TCF7L1: variants seen among roughly 807,000 people sequenced by gnomAD.
The protein encoded by TCF7L1 is transcription factor 7 like 1.
In TCF7L1, 18 loss-of-function variants were observed where a neutral mutation model predicts 63.7. That is an observed-to-expected ratio of 0.28 (90% CI 0.20 to 0.42). The LOEUF (loss-of-function observed/expected upper bound fraction) is 0.42, where lower values mean the gene tolerates loss of function less well. Among genes scored for constraint, TCF7L1 ranks in the 10% least tolerant of loss-of-function variants. TCF7L1 has a pLI of 1.00. For synonymous variants in TCF7L1, 355 were observed against 340.9 expected, an observed-to-expected ratio of 1.04 and a Z score of -0.46; for missense variants, 654 against 779.3, an observed-to-expected ratio of 0.84 and a Z score of 1.91.
In TCF7L1 at chr2:85,133,723, C is replaced by CGGCAGCGGG. The variant is rs1460720934; in HGVS notation, c.42_50dup (p.Ser15_Gly17dup). ...GCGGCGGGGGCGGCGGCGGCGGCGGCGGCAGCGGGGGAGGCGGCGGCTCCA... is the reference window on the plus strand; with the variant it reads ...GCGGCGGGGGCGGCGGCGGCGGCGGCGGCAGCGGGGGCAGCGGGGGAGGCGGCGGCTCCA... On this transcript the variant is annotated inframe_insertion, in exon 1 of 12. Coordinates refer to ENST00000282111, the MANE Select transcript of TCF7L1 (RefSeq NM_031283.3). This position sits in a 1 kb window ranked among gnomAD's most constrained non-coding sequence, Gnocchi z 4.4. 3.4e-6 allele frequency: 4 copies of CGGCAGCGGG among 1,175,282 alleles called. No individual in the cohort carries two copies. The highest frequency in any genetic ancestry group is 4.2e-6 in the Non-Finnish European group (4 of 952,484). 72.8% of individuals were successfully genotyped at this position (1,175,282 alleles called of 1,614,324 possible).
At chr2:85,207,372 C>T (rs115100074) in intron 3 of TCF7L1, among the ~76,000 whole-genome samples, 132 of 152,264 alleles carry the variant, frequency 8.7e-4, no homozygotes, top group African/African-American at 3.0e-3. Context: ...CCTGTGTGCT[C>T]TGCACATCCC....
chr2:85,304,017 T>C lies in TCF7L1; in HGVS notation c.761+20T>C, dbSNP rs181568079. 37 of 1,494,004 alleles carry C rather than the reference T, an allele frequency of 2.5e-5. 1 individual carries two copies. The East Asian group carries it at 8.6e-4, about 35-fold the overall frequency. The allele number at this position is 1,494,004 out of a possible 1,614,324, so 92.5% of individuals were successfully genotyped here. ...CCCACAGTAAGGAACCCACAGCCTC[T>C]CTTCCCCCTGCTCCCTCCTTGCGCT... On this transcript the variant is annotated intron_variant, in intron 6 of 11. Coordinates refer to ENST00000282111, the MANE Select transcript of TCF7L1 (RefSeq NM_031283.3).
intron 3 of TCF7L1, among the ~76,000 whole-genome samples, chr2:85,278,951 A>T (rs537548921): frequency 6.6e-6 from 1 of 152,352 alleles, no homozygotes; most frequent in East Asian, 1.9e-4. Flanking sequence ...CATTGATGCC[A>T]TTCATCACCA....
intron 3 of TCF7L1, among the ~76,000 whole-genome samples, chr2:85,144,816 G>A (rs145487523): frequency 0.04 from 5,961 of 150,672 alleles, 177 homozygotes; most frequent in Admixed American, 0.06. Context: ...GGGCACAGTG[G>A]CTCCCTCCTG....
At position 85,303,977 on chromosome 2, in the gene TCF7L1, C is replaced by T. The variant is rs755057744; in HGVS notation, c.741C>T (p.Pro247=). The T allele has an allele frequency of 6.2e-7, 1 of 1,611,268 alleles. No homozygotes were observed. The highest frequency in any genetic ancestry group is 8.5e-7 in the Non-Finnish European group (1 of 1,178,590). ...SPGAVGQIPH[P]LGWLVPQQGQ... ...GAGCTGTCGGACAAATCCCCCACCC[C>T]CTCGGCTGGCTCGTCCCACAGTAAG... Residue 247 remains proline (P), a synonymous_variant, in exon 6 of 12, where the codon CCC becomes CCT. Coordinates refer to ENST00000282111, the MANE Select transcript of TCF7L1 (RefSeq NM_031283.3).
rs112505142 is a variant in TCF7L1, at chr2:85,173,839, C to G, written c.441+39389C>G. On this transcript the variant is annotated intron_variant, in intron 3 of 11. Transcript: ENST00000282111. ...GCAACCTCTGCCTCTTGGGTTTAAG[C>G]GATTCTCCTGCCTCGGCCTCCTGAG... 5.5e-3 allele frequency among the ~76,000 whole-genome samples: 832 copies of G among 151,992 alleles called. 6 individuals carry two copies. The highest frequency in any genetic ancestry group is 0.019 in the African/African-American group (783 of 41,416).
At chr2:85,224,184 A>G (rs1290459830) in intron 3 of TCF7L1, among the ~76,000 whole-genome samples, 1 of 152,166 alleles carries the variant, frequency 6.6e-6, no homozygotes, top group African/African-American at 2.4e-5. Flanking sequence ...TATCCAGTCA[A>G]TTATTGATGG....
chr2:85,138,338 A>G (rs1677644327), intron 3 of TCF7L1, among the ~76,000 whole-genome samples: 1 of 152,116 alleles, frequency 6.6e-6, no homozygotes, highest in Non-Finnish European at 1.5e-5. Flanking sequence ...ACCCAAAGGA[A>G]CCCAAGCAGA....
At chr2:85,203,019 T>C (rs1444617546) in intron 3 of TCF7L1, among the ~76,000 whole-genome samples, 1 of 152,040 alleles carries the variant, frequency 6.6e-6, no homozygotes. Context: ...ATTTTTTTGG[T>C]AGAGACGGGG....
At chr2:85,278,922 A>G (rs375698703) in intron 3 of TCF7L1, among the ~76,000 whole-genome samples, 46 of 152,220 alleles carry the variant, frequency 3.0e-4, no homozygotes, top group African/African-American at 9.4e-4. Flanking sequence ...AGCGATCGCT[A>G]TTGCCAGGCC....
At chr2:85,253,190 C>T (rs1359453870) in intron 3 of TCF7L1, among the ~76,000 whole-genome samples, 3 of 152,160 alleles carry the variant, frequency 2.0e-5, no homozygotes, top group African/African-American at 7.2e-5. Context: ...TATTAAACCA[C>T]ATAGGTTTGG....
chr2:85,253,826 A>G (rs1292641974), intron 3 of TCF7L1, among the ~76,000 whole-genome samples: 2 of 152,208 alleles, frequency 1.3e-5, no homozygotes, highest in African/African-American at 4.8e-5. Flanking sequence ...CCTTTTCAAC[A>G]TGTGGGAGCT....
chr2:85,287,948 A>T (rs1448614720), intron 4 of TCF7L1, among the ~76,000 whole-genome samples: 2 of 152,186 alleles, frequency 1.3e-5, no homozygotes, highest in Non-Finnish European at 2.9e-5. Context: ...AATGGGGATT[A>T]GAAGAGACTG....
intron 3 of TCF7L1, among the ~76,000 whole-genome samples, chr2:85,161,362 A>G (rs1297453209): frequency 2.0e-5 from 3 of 152,180 alleles, no homozygotes; most frequent in Admixed American, 6.5e-5. Flanking sequence ...GGCCCTAGCT[A>G]GAGGGGCATG....
intron 3 of TCF7L1, among the ~76,000 whole-genome samples, chr2:85,253,390 G>C (rs923342662): frequency 6.6e-6 from 1 of 152,154 alleles, no homozygotes; most frequent in African/African-American, 2.4e-5. Flanking sequence ...CTGGTCTGTT[G>C]GCTGTTTGAC....
At chr2:85,275,341 T>C (rs1463333399) in intron 3 of TCF7L1, among the ~76,000 whole-genome samples, 1 of 152,096 alleles carries the variant, frequency 6.6e-6, no homozygotes, top group African/African-American at 2.4e-5. Context: ...AAACAAACCT[T>C]AGGTCAAATC....
intron 3 of TCF7L1, among the ~76,000 whole-genome samples, chr2:85,159,439 G>A (rs552362557): frequency 1.4e-4 from 22 of 152,268 alleles, no homozygotes; most frequent in South Asian, 4.1e-4. Flanking sequence ...CCTTTCTTCC[G>A]GCCTTACCAA....
intron 3 of TCF7L1, among the ~76,000 whole-genome samples, chr2:85,264,251 G>A (rs764803067): frequency 8.5e-5 from 13 of 152,208 alleles, no homozygotes; most frequent in Admixed American, 2.0e-4. Flanking sequence ...GTGTATCTGA[G>A]TGACTACGTG....
At chr2:85,161,589 C>T (rs542183175) in intron 3 of TCF7L1, among the ~76,000 whole-genome samples, 1 of 152,336 alleles carries the variant, frequency 6.6e-6, no homozygotes, top group African/African-American at 2.4e-5. Flanking sequence ...CTCACCCCTG[C>T]GGTGTTGGTC....
Sources: gnomAD v4.1 joint callset for allele counts (sites outside exome capture counted in the v4.1 genomes callset) on GRCh38, gnomAD v4.1.1 for gene constraint, Gnocchi (gnomAD v3.1) non-coding constraint, MANE v1.5 for transcripts, NCBI Gene and HGNC (gene_info 2026-07-23, HGNC 2026-07-21) for gene names.